The following CFAP299 variants were observed in gnomAD, a reference collection of about 807,000 sequenced individuals.
CFAP299 encodes the protein cilia and flagella associated protein 299.
CFAP299 carries 21 observed loss-of-function variants against 27.0 expected under a neutral mutation model. The ratio of observed to expected loss-of-function variants is 0.78; its 90% CI spans 0.55 to 1.12. The LOEUF (loss-of-function observed/expected upper bound fraction) is 1.12. Ranked by LOEUF, CFAP299 falls within the 50% of genes most tolerant of loss-of-function variation. The pLI, the probability that CFAP299 is intolerant of heterozygous loss-of-function variation, is 0.00. For missense variants in CFAP299, 310 were observed against 276.6 expected (o/e 1.12, Z -0.86); for synonymous variants, 104 against 98.1 (o/e 1.06, Z -0.36).
intron 3 of CFAP299, among the ~76,000 whole-genome samples, chr4:80,817,585 T>G (rs754544106): frequency 7.2e-4 from 110 of 152,046 alleles, no homozygotes; most frequent in Non-Finnish European, 1.3e-3. Flanking sequence ...AAATAAAAAT[T>G]TGTTTAATTC....
chr4:80,884,494 A>G (rs1213530873), intron 4 of CFAP299, among the ~76,000 whole-genome samples: 1 of 152,164 alleles, frequency 6.6e-6, no homozygotes, highest in Non-Finnish European at 1.5e-5. Flanking sequence ...ACCCAAATTT[A>G]TGGGATGCAG....
intron 2 of CFAP299, among the ~76,000 whole-genome samples, chr4:80,434,782 G>A (rs972110047): frequency 6.6e-6 from 1 of 152,192 alleles, no homozygotes; most frequent in African/African-American, 2.4e-5. Context: ...GTAGGCGGGA[G>A]GAGGAGACAC....
intron 2 of CFAP299, among the ~76,000 whole-genome samples, chr4:80,536,919 A>T (rs906400624): frequency 1.3e-5 from 2 of 152,110 alleles, no homozygotes; most frequent in African/African-American, 4.8e-5. Context: ...CAACCTACAG[A>T]ATGGGAGAAT....
chr4:80,750,441 T>C (rs927312174), intron 3 of CFAP299, among the ~76,000 whole-genome samples: 2 of 152,186 alleles, frequency 1.3e-5, no homozygotes, highest in Admixed American at 6.5e-5. Context: ...CACTGAAATA[T>C]ATGAACAAGA....
chr4:80,407,833 T>C (rs1726511221), intron 2 of CFAP299, among the ~76,000 whole-genome samples: 2 of 152,218 alleles, frequency 1.3e-5, no homozygotes, highest in South Asian at 4.1e-4. Context: ...TTTATTGTAT[T>C]TATAAGTGTT....
intron 2 of CFAP299, among the ~76,000 whole-genome samples, chr4:80,551,961 A>T (rs1156998941): frequency 6.6e-6 from 1 of 151,836 alleles, no homozygotes; most frequent in Non-Finnish European, 1.5e-5. Context: ...GTTGGCCAGG[A>T]TGGTCTTGAT....
chr4:80,672,953 A>G (rs1014985531), intron 3 of CFAP299, among the ~76,000 whole-genome samples: 1 of 151,266 alleles, frequency 6.6e-6, no homozygotes, highest in African/African-American at 2.4e-5. Context: ...TCAAAAAAAA[A>G]AAACAGCTCC....
chr4:80,463,775 C>T (rs181942586), intron 2 of CFAP299, among the ~76,000 whole-genome samples: 1 of 152,220 alleles, frequency 6.6e-6, no homozygotes, highest in Admixed American at 6.5e-5. Context: ...AGAGCTTCAA[C>T]CTATGAATTT....
At chr4:80,684,727 T>C (rs912970944) in intron 3 of CFAP299, among the ~76,000 whole-genome samples, 3 of 152,186 alleles carry the variant, frequency 2.0e-5, no homozygotes, top group African/African-American at 7.2e-5. Context: ...TAACCACTAT[T>C]TGCCAGAAAT....
intron 3 of CFAP299, among the ~76,000 whole-genome samples, chr4:80,660,795 T>G (rs1577986390): frequency 6.6e-6 from 1 of 152,224 alleles, no homozygotes; most frequent in East Asian, 1.9e-4. Context: ...TTGGAAACTA[T>G]AAATTATTGT....
At chr4:80,707,448 G>T (rs972013591) in intron 3 of CFAP299, among the ~76,000 whole-genome samples, 1 of 151,890 alleles carries the variant, frequency 6.6e-6, no homozygotes, top group Non-Finnish European at 1.5e-5. Context: ...ACAATGTTAA[G>T]AAACCACCAC....
intron 4 of CFAP299, among the ~76,000 whole-genome samples, chr4:80,926,802 C>T (rs1245318597): frequency 6.6e-6 from 1 of 151,912 alleles, no homozygotes; most frequent in Non-Finnish European, 1.5e-5. Context: ...ATTTATGGAG[C>T]AATTATAAGG....
intron 2 of CFAP299, among the ~76,000 whole-genome samples, chr4:80,560,367 G>A (rs1477817152): frequency 3.3e-5 from 5 of 152,066 alleles, no homozygotes; most frequent in African/African-American, 4.8e-5. Flanking sequence ...GGCTTCAGGT[G>A]AGACTCAGCA....
chr4:80,589,922 C>T (rs1216959344), intron 3 of CFAP299, among the ~76,000 whole-genome samples: 4 of 151,778 alleles, frequency 2.6e-5, no homozygotes, highest in Admixed American at 1.3e-4. Flanking sequence ...AATCTTTATA[C>T]TAGTAGATAA....
At chr4:80,947,864 A>G (rs533624346) in intron 5 of CFAP299, among the ~76,000 whole-genome samples, 2 of 152,286 alleles carry the variant, frequency 1.3e-5, no homozygotes, top group South Asian at 2.1e-4. Context: ...AAAATTTCTT[A>G]TAGACCTAAG....
chr4:80,759,097 T>C (rs1725412568), intron 3 of CFAP299, among the ~76,000 whole-genome samples: 1 of 152,188 alleles, frequency 6.6e-6, no homozygotes. Context: ...AAAACTTGAT[T>C]TGTGTAATAT....
intron 3 of CFAP299, among the ~76,000 whole-genome samples, chr4:80,738,352 A>G (rs185037586): frequency 1.3e-5 from 2 of 151,972 alleles, no homozygotes; most frequent in Admixed American, 6.6e-5. Context: ...GATACTATTT[A>G]TTTGGGTCTG....
intron 3 of CFAP299, among the ~76,000 whole-genome samples, chr4:80,769,224 T>C (rs1176568929): frequency 6.6e-6 from 1 of 152,192 alleles, no homozygotes. Context: ...AGAATTGTTT[T>C]GTTCAATACA....
chr4:80,833,326 A>G (rs1490238006), intron 3 of CFAP299, among the ~76,000 whole-genome samples: 2 of 152,110 alleles, frequency 1.3e-5, no homozygotes, highest in Admixed American at 1.3e-4. Flanking sequence ...ACAGTTGTTT[A>G]TTTGGGAACC....
Sources: allele counts gnomAD v4.1 joint callset (sites outside exome capture counted in the v4.1 genomes callset), GRCh38; gene constraint gnomAD v4.1.1; transcripts MANE v1.5; gene names NCBI Gene and HGNC (gene_info 2026-07-23, HGNC 2026-07-21).